ADAMTS9: variants seen among roughly 807,000 people sequenced by gnomAD.
ADAMTS9 encodes the protein ADAM metallopeptidase with thrombospondin type 1 motif 9, also known as A disintegrin and metalloproteinase with thrombospondin motifs 9.
ADAMTS9 carries 107 observed loss-of-function variants against 257.1 expected under a neutral mutation model. The ratio of observed to expected loss-of-function variants is 0.42; its 90% confidence interval spans 0.36 to 0.49. The LOEUF is 0.49. ADAMTS9 is among the 20% of genes least tolerant of loss of function. The pLI, the probability that ADAMTS9 is intolerant of heterozygous loss-of-function variation, is 0.03. For missense variants in ADAMTS9, 2,353 were observed against 2,469.1 expected, an observed-to-expected ratio of 0.95 and a Z score of 1.00; for synonymous variants, 982 against 880.9, an observed-to-expected ratio of 1.11 and a Z score of -2.03.
chr3:64,558,933 G>A (rs2083378817), intron 30 of ADAMTS9, among the ~76,000 whole-genome samples: 1 of 152,126 alleles, frequency 6.6e-6, no homozygotes. Flanking sequence ...GTGGAAACGT[G>A]TGCCTGCATC....
intron 28 of ADAMTS9, 198 bp from the exon 29 acceptor site, chr3:64,568,733 A>C (rs2083603531): frequency 7.0e-6 from 4 of 573,398 alleles, no homozygotes; most frequent in Non-Finnish European, 2.9e-6. Flanking sequence ...CCACAGCATT[A>C]CAGCAGCAAT....
rs1165498412 is a variant in ADAMTS9 at position 64,581,744 on chromosome 3, G to C, written c.4356+12514C>G. ...AAAGACAGCATCCACTTCCCTTATG[G>C]AAAACCAAGATCTCTTCCACATTGG... On this transcript the variant is annotated intron_variant, in intron 28 of 39. Transcript: ENST00000498707. Among the ~76,000 whole-genome samples, 18 of 152,162 alleles carry C rather than the reference G, an allele frequency of 1.2e-4. 1 individual carries two copies. The highest frequency in any genetic ancestry group is 1.2e-3 in the Admixed American group (18 of 15,286).
At chr3:64,581,001 AC>A (rs2083984395) in intron 28 of ADAMTS9, among the ~76,000 whole-genome samples, 1 of 152,170 alleles carries the variant, frequency 6.6e-6, no homozygotes, top group South Asian at 2.1e-4. Context: ...ATTATTGGGA[AC>A]CTTTCTTAAC....
At chr3:64,530,680 G>A (rs2082969848) in intron 38 of ADAMTS9, among the ~76,000 whole-genome samples, 1 of 152,100 alleles carries the variant, frequency 6.6e-6, no homozygotes, top group Non-Finnish European at 1.5e-5. Context: ...TTTAGTTTCT[G>A]GCTGAAACGG....
At chr3:64,672,197 T>C (rs1293629933) in intron 3 of ADAMTS9, among the ~76,000 whole-genome samples, 1 of 152,218 alleles carries the variant, frequency 6.6e-6, no homozygotes, top group Non-Finnish European at 1.5e-5. Context: ...ATGGTTCCTA[T>C]GAAGGTGAAC....
At chr3:64,593,356 T>TA (rs1182839993) in intron 28 of ADAMTS9, among the ~76,000 whole-genome samples, 2 of 152,210 alleles carry the variant, frequency 1.3e-5, no homozygotes, top group African/African-American at 2.4e-5. Flanking sequence ...CCATACTGGG[T>TA]AAAAAAACAT....
intron 6 of ADAMTS9, among the ~76,000 whole-genome samples, chr3:64,655,322 G>T (rs571287048): frequency 1.3e-5 from 2 of 152,180 alleles, no homozygotes; most frequent in Non-Finnish European, 2.9e-5. Context: ...TCCCCACGGG[G>T]GGCAGTGGCA....
intron 32 of ADAMTS9, among the ~76,000 whole-genome samples, chr3:64,546,255 A>C (rs1481820999): frequency 6.6e-6 from 1 of 150,812 alleles, no homozygotes; most frequent in African/African-American, 2.4e-5. Context: ...TTTTTTTTTC[A>C]GATTTGGAAT....
At chr3:64,587,365 G>C (rs1417587970) in intron 28 of ADAMTS9, 2 of 152,168 alleles carry the variant, frequency 1.3e-5, no homozygotes, top group East Asian at 3.8e-4. Flanking sequence ...TTCTTTGCTA[G>C]TTTGTTATTA....
intron 19 of ADAMTS9, among the ~76,000 whole-genome samples, chr3:64,618,409 C>G (rs1268245379): frequency 6.6e-6 from 1 of 152,114 alleles, no homozygotes; most frequent in African/African-American, 2.4e-5. Context: ...TTTAGAATAG[C>G]TTAGTGTGCT....
Position 64,658,535 on chromosome 3 carries a change from G to T in ADAMTS9, c.936C>A (p.Asn312Lys), listed in dbSNP as rs771174410. The T allele has an allele frequency of 1.9e-6, 3 of 1,613,410 alleles. No homozygotes were observed. In the South Asian group the frequency reaches 3.3e-5, roughly 18 times the overall value. Residue 312 changes from asparagine to lysine, a missense_variant, in exon 4 of 40, where the codon AAC (asparagine) becomes AAA (lysine). Asn to Lys is a moderately conservative substitution (Grantham distance 94). Around this residue, in one of 3 missense-constraint regions of ADAMTS9, gnomAD observed 591 missense variants for 569.6 expected, o/e 1.04. Coordinates refer to ENST00000498707, the MANE Select transcript of ADAMTS9 (RefSeq NM_182920.2). ...TTAAAGTTAAAATATAGTGTTGAAG[G>T]TTTTCTCCATGGTATGAAACCATTC... Reference protein sequence around the residue: ...DNRMVSYHGENLQHYILTLMS... With the variant: ...DNRMVSYHGEKLQHYILTLMS...
chr3:64,554,091 T>C (rs1266567457), intron 30 of ADAMTS9, among the ~76,000 whole-genome samples: 1 of 152,232 alleles, frequency 6.6e-6, no homozygotes, highest in Non-Finnish European at 1.5e-5. Context: ...AAACCTGGAC[T>C]AAACCTTCCA....
chr3:64,609,690 A>T (rs924812388), intron 22 of ADAMTS9, among the ~76,000 whole-genome samples: 1 of 152,198 alleles, frequency 6.6e-6, no homozygotes, highest in Non-Finnish European at 1.5e-5. Context: ...TAGTATTGCT[A>T]AGGTGACAAT....
chr3:64,570,464 G>T (rs2083651604), intron 28 of ADAMTS9, among the ~76,000 whole-genome samples: 1 of 152,086 alleles, frequency 6.6e-6, no homozygotes, highest in Admixed American at 6.5e-5. Context: ...AGAGTTTCAA[G>T]TCAGAGTAAG....
intron 22 of ADAMTS9, among the ~76,000 whole-genome samples, chr3:64,611,912 T>A (rs2084671672): frequency 6.6e-6 from 1 of 152,206 alleles, no homozygotes; most frequent in African/African-American, 2.4e-5. Flanking sequence ...AAGAATATGC[T>A]AAATGCCACT....
chr3:64,518,789 T>TTTG, intron 39 of ADAMTS9, among the ~76,000 whole-genome samples: 1 of 145,624 alleles, frequency 6.9e-6, no homozygotes, highest in Admixed American at 7.0e-5. Context: ...TTTTTTTTTT[T>TTTG]TGAGACAGAG....
At chr3:64,666,576 T>G (rs976311554) in intron 3 of ADAMTS9, among the ~76,000 whole-genome samples, 2 of 152,174 alleles carry the variant, frequency 1.3e-5, no homozygotes, top group African/African-American at 2.4e-5. Context: ...CTAAAGCTAC[T>G]CTAGTTGCCC....
chr3:64,618,302 A>G (rs1260022534), intron 19 of ADAMTS9, among the ~76,000 whole-genome samples: 1 of 152,200 alleles, frequency 6.6e-6, no homozygotes, highest in East Asian at 1.9e-4. Context: ...CCATTGGCCT[A>G]TGATCTGACG....
At chr3:64,596,697 G>T (rs936563953) in intron 27 of ADAMTS9, 133 bp downstream of exon 27, 31 of 1,067,068 alleles carry the variant, frequency 2.9e-5, no homozygotes, top group Non-Finnish European at 4.2e-5. Flanking sequence ...AAGAAGACAG[G>T]TTTCCTAGTT....
Sources: gnomAD v4.1 joint callset for allele counts (sites outside exome capture counted in the v4.1 genomes callset) on GRCh38, gnomAD v4.1.1 for gene constraint, gnomAD v4.1.1 regional missense constraint, MANE v1.5 for transcripts, NCBI Gene and HGNC (gene_info 2026-07-23, HGNC 2026-07-21) for gene names.